CELF2: variants seen among roughly 807,000 people sequenced by gnomAD.
CELF2 encodes the protein CUG triplet repeat RNA-binding protein 2.
A neutral mutation model predicts 62.6 loss-of-function variants in CELF2; 8 were observed. That is an observed-to-expected ratio of 0.13 (90% confidence interval 0.07 to 0.23). The LOEUF is 0.23. Ranked by LOEUF, CELF2 falls within the 10% of genes least tolerant of loss-of-function variation. The probability of loss-of-function intolerance (pLI) is 1.00; values close to 1 mark genes in which losing one functional copy is unlikely to be tolerated. For missense variants in CELF2, 333 were observed against 671.0 expected (o/e 0.50, Z 5.56); for synonymous variants, 258 against 250.0 (o/e 1.03, Z -0.30).
rs1390595710 is a variant in CELF2 at position 11,333,423 on chromosome 10, A to G, written c.*4370A>G. 1 of 152,654 alleles carries G rather than the reference A, an allele frequency of 6.6e-6. No individual in the cohort carries two copies. The highest frequency in any genetic ancestry group is 1.5e-5 in the Non-Finnish European group (1 of 68,034). The allele number at this position is 152,654 out of a possible 1,614,324, so 9.5% of individuals were successfully genotyped here. A position where few individuals can be genotyped will look rare whatever the true frequency, so the allele number is the denominator to read the frequency against. ...TTAATCTAAATTAGAGAATTGTGAT[A>G]CAATGGCAGTCCTCAAAGGCGTAAC... is the stretch of plus-strand genomic sequence containing the variant. On this transcript the variant is annotated 3_prime_UTR_variant, in exon 13 of 13. Transcript: ENST00000633077.
intron 1 of CELF2, among the ~76,000 whole-genome samples, chr10:11,057,362 AC>A (rs577436865): frequency 2.0e-5 from 3 of 152,334 alleles, no homozygotes; most frequent in Admixed American, 2.0e-4. Context: ...GCCAGAGGAA[AC>A]AGTGATTTTA....
the CELF2 span, among the ~76,000 whole-genome samples, chr10:10,693,952 C>A: frequency 2.0e-5 from 3 of 151,578 alleles, no homozygotes; most frequent in South Asian, 2.1e-4. Flanking sequence ...TTGATCCTTT[C>A]AAAAAACCAG....
intron 1 of CELF2, among the ~76,000 whole-genome samples, chr10:11,081,648 C>T (rs1449971827): frequency 6.6e-6 from 1 of 152,172 alleles, no homozygotes; most frequent in East Asian, 1.9e-4. Context: ...GAAGGGTTCT[C>T]ATGGGAGATG....
At chr10:10,736,879 C>T in the CELF2 span, among the ~76,000 whole-genome samples, 1 of 152,190 alleles carries the variant, frequency 6.6e-6, no homozygotes, top group East Asian at 1.9e-4. Flanking sequence ...CATACGATTT[C>T]CTAATACTGT....
chr10:11,278,591 C>T (rs2087018430), intron 8 of CELF2, among the ~76,000 whole-genome samples: 1 of 152,128 alleles, frequency 6.6e-6, no homozygotes, highest in Non-Finnish European at 1.5e-5. Context: ...GATCATATAA[C>T]AGAAAAACAA....
At chr10:10,749,366 T>C in the CELF2 span, among the ~76,000 whole-genome samples, 2 of 152,302 alleles carry the variant, frequency 1.3e-5, no homozygotes, top group African/African-American at 4.8e-5. Context: ...AAGCTGAGGG[T>C]ACTAAGTGGC....
chr10:11,132,738 A>G (rs919418556), intron 1 of CELF2, among the ~76,000 whole-genome samples: 1 of 152,248 alleles, frequency 6.6e-6, no homozygotes, highest in Non-Finnish European at 1.5e-5. Context: ...AAAGTGACAC[A>G]GTGTTACATA....
the CELF2 span, among the ~76,000 whole-genome samples, chr10:10,692,362 A>G: frequency 1.3e-5 from 2 of 151,122 alleles, no homozygotes; most frequent in South Asian, 2.1e-4. Flanking sequence ...TGTTCCATTG[A>G]TCTATATCTC....
the CELF2 span, among the ~76,000 whole-genome samples, chr10:10,500,913 C>T: frequency 1.3e-5 from 2 of 152,182 alleles, no homozygotes; most frequent in Non-Finnish European, 2.9e-5. Context: ...TTTCAAGAAA[C>T]AATTCTCTGG....
the CELF2 span, among the ~76,000 whole-genome samples, chr10:10,636,647 C>T: frequency 6.6e-6 from 1 of 152,202 alleles, no homozygotes; most frequent in Non-Finnish European, 1.5e-5. Flanking sequence ...AAGAATCCCT[C>T]CCATGGATGC....
Position 11,280,026 on chromosome 10 carries a change from C to T in CELF2, c.841+4906C>T, listed in dbSNP as rs1176166265. On this transcript the variant is annotated intron_variant, in intron 8 of 12. Coordinates refer to ENST00000633077, the MANE Select transcript of CELF2 (RefSeq NM_001326342.2). The surrounding 1 kb of genome is among the most constrained non-coding windows in gnomAD (Gnocchi z 7.6). ...GCAGTTTTTCTTCTCGGAAAGGAACCGTTTGCCAAGCACGCGCCCTTGCCT... is the reference window on the plus strand; with the variant it reads ...GCAGTTTTTCTTCTCGGAAAGGAACTGTTTGCCAAGCACGCGCCCTTGCCT... Among the ~76,000 whole-genome samples the T allele has an allele frequency of 2.6e-5, 4 of 152,076 alleles. No individual in the cohort carries two copies. The highest frequency in any genetic ancestry group is 5.9e-5 in the Non-Finnish European group (4 of 68,020).
chr10:10,824,540 C>T (rs931141070), intron 1 of CELF2, among the ~76,000 whole-genome samples: 1 of 152,216 alleles, frequency 6.6e-6, no homozygotes, highest in East Asian at 1.9e-4. Flanking sequence ...AGATTTTCCC[C>T]TTTCCCTGCC....
the CELF2 span, among the ~76,000 whole-genome samples, chr10:10,630,774 C>T: frequency 1.3e-5 from 2 of 152,210 alleles, no homozygotes; most frequent in African/African-American, 4.8e-5. Context: ...TCTGCAATGC[C>T]TTGGAATTAC....
intron 1 of CELF2, among the ~76,000 whole-genome samples, chr10:11,031,246 C>G (rs1205521020): frequency 6.6e-6 from 1 of 152,148 alleles, no homozygotes; most frequent in Non-Finnish European, 1.5e-5. Flanking sequence ...CTCCCTCCTC[C>G]TTAAGTAGGC....
At chr10:10,831,803 C>A (rs527795283) in intron 1 of CELF2, among the ~76,000 whole-genome samples, 1 of 151,988 alleles carries the variant, frequency 6.6e-6, no homozygotes, top group Non-Finnish European at 1.5e-5. Context: ...GAAACCCTGT[C>A]TCTACTAAAA....
chr10:11,019,422 T>C (rs1248088689), intron 1 of CELF2, among the ~76,000 whole-genome samples: 1 of 152,208 alleles, frequency 6.6e-6, no homozygotes, highest in African/African-American at 2.4e-5. Flanking sequence ...TGGCACCTTA[T>C]GGTACTCTGC....
At chr10:10,627,966 G>T in the CELF2 span, among the ~76,000 whole-genome samples, 2 of 152,074 alleles carry the variant, frequency 1.3e-5, no homozygotes, top group African/African-American at 4.8e-5. Flanking sequence ...GCAGTGGCAC[G>T]ATCTCAGCTC....
At chr10:10,772,737 A>C in the CELF2 span, among the ~76,000 whole-genome samples, 2 of 152,252 alleles carry the variant, frequency 1.3e-5, no homozygotes, top group Non-Finnish European at 2.9e-5. Flanking sequence ...TGTCCCCATG[A>C]GATAATTAAA....
the CELF2 span, among the ~76,000 whole-genome samples, chr10:10,499,021 A>G: frequency 7.9e-5 from 12 of 151,538 alleles, no homozygotes; most frequent in Admixed American, 1.3e-4. Context: ...ATTTACAACT[A>G]CAGTCATCCA....
Sources: allele counts gnomAD v4.1 joint callset (sites outside exome capture counted in the v4.1 genomes callset), GRCh38; gene constraint gnomAD v4.1.1; non-coding constraint Gnocchi (gnomAD v3.1); transcripts MANE v1.5; gene names NCBI Gene and HGNC (gene_info 2026-07-23, HGNC 2026-07-21).